MGAT4C: variants seen among roughly 807,000 people sequenced by gnomAD.
MGAT4C encodes the protein alpha-1,3-mannosyl-glycoprotein 4-beta-N-acetylglucosaminyltransferase C.
Under a neutral mutation model 40.1 loss-of-function variants are expected in MGAT4C, and 19 were observed. The ratio of observed to expected loss-of-function variants is 0.47; its 90% CI spans 0.33 to 0.70. The LOEUF (loss-of-function observed/expected upper bound fraction) is 0.70, where lower values mean the gene tolerates loss of function less well. Ranked by LOEUF, MGAT4C falls within the 30% of genes least tolerant of loss-of-function variation. The pLI, the probability that MGAT4C is intolerant of heterozygous loss-of-function variation, is 0.02. For missense variants in MGAT4C, 491 were observed against 563.2 expected (o/e 0.87, Z 1.30); for synonymous variants, 181 against 187.1 (o/e 0.97, Z 0.27).
intron 2 of MGAT4C, among the ~76,000 whole-genome samples, chr12:86,047,935 T>C (rs1179899671): frequency 9.8e-6 from 1 of 101,610 alleles, no homozygotes; most frequent in African/African-American, 4.1e-5. Context: ...CAATCATAGT[T>C]AAAACAACAG....
At chr12:86,736,898 A>G (rs994397907) in intron 1 of MGAT4C, among the ~76,000 whole-genome samples, 37 of 151,010 alleles carry the variant, frequency 2.5e-4, no homozygotes, top group African/African-American at 8.7e-4. Flanking sequence ...ACATAACCTT[A>G]TCCCTTTCCT....
intron 1 of MGAT4C, among the ~76,000 whole-genome samples, chr12:86,088,258 A>T (rs938476040): frequency 6.6e-6 from 1 of 152,056 alleles, no homozygotes. Flanking sequence ...AAAACCTAAA[A>T]CTATAAAAAC....
chr12:86,757,166 C>T lies in MGAT4C; in HGVS notation c.-261-29925G>A, dbSNP rs112830239. Among the ~76,000 whole-genome samples the T allele has an allele frequency of 4.8e-4, 66 of 138,270 alleles. 1 individual carries two copies. Among genetic ancestry groups the T allele is most frequent in the Admixed American group, 1.7e-3 (20 of 12,022 alleles). 90.7% of individuals were successfully genotyped at this position (138,270 alleles called of 152,430 possible). On this transcript the variant is annotated intron_variant, in intron 1 of 7. Transcript: ENST00000548651. The stretch of plus-strand genomic sequence containing the variant: ...TCACTCATAAGTGGGAGTAGAACAA[C>T]GAGAACACATGGACACAGGGAGGGG...
In MGAT4C at chr12:85,957,226, T is replaced by C. The variant is rs1388976114; in HGVS notation, c.*22063A>G. On this transcript the variant is annotated 3_prime_UTR_variant, in exon 5 of 5. Transcript: ENST00000611864. The stretch of plus-strand genomic sequence containing the variant: ...GAAGTTGAGGAAAGTTTATGTTTAA[T>C]TTTTATTTTATTTTCTTCATCTGTA... 2 of 152,206 alleles carry C rather than the reference T, an allele frequency of 1.3e-5. No individual in the cohort carries two copies. The highest frequency in any genetic ancestry group is 2.4e-5 in the African/African-American group (1 of 41,452). The allele number at this position is 152,206 out of a possible 1,614,324, so 9.4% of individuals were successfully genotyped here.
At chr12:86,524,280 G>A (rs1592950190) in intron 2 of MGAT4C, among the ~76,000 whole-genome samples, 1 of 152,166 alleles carries the variant, frequency 6.6e-6, no homozygotes, top group African/African-American at 2.4e-5. Flanking sequence ...AGTAAGGCAG[G>A]TCTGGTGCTA....
chr12:86,230,287 C>T (rs1951260318), intron 1 of MGAT4C, among the ~76,000 whole-genome samples: 1 of 151,972 alleles, frequency 6.6e-6, no homozygotes. Flanking sequence ...ATTCTGGGCA[C>T]TGTTTAATGT....
At chr12:86,252,323 A>G (rs1052237222) in intron 1 of MGAT4C, among the ~76,000 whole-genome samples, 1 of 152,088 alleles carries the variant, frequency 6.6e-6, no homozygotes, top group Non-Finnish European at 1.5e-5. Context: ...ATAGGACCAC[A>G]GTAAAATATT....
chr12:86,708,771 T>C (rs1486929829), intron 2 of MGAT4C, among the ~76,000 whole-genome samples: 1 of 152,180 alleles, frequency 6.6e-6, no homozygotes, highest in Admixed American at 6.5e-5. Flanking sequence ...TTTTGGACTT[T>C]CATGGGGCCT....
chr12:86,836,483 T>C (rs906639355), intron 1 of MGAT4C, among the ~76,000 whole-genome samples: 2 of 152,020 alleles, frequency 1.3e-5, no homozygotes, highest in Admixed American at 1.3e-4. Flanking sequence ...TAACGACAAC[T>C]AATAAAATGA....
chr12:86,408,487 A>G (rs755060941), intron 3 of MGAT4C, among the ~76,000 whole-genome samples: 1 of 84,970 alleles, frequency 1.2e-5, no homozygotes, highest in African/African-American at 4.7e-5. Flanking sequence ...CTCTATATAT[A>G]TATATATATA....
intron 1 of MGAT4C, among the ~76,000 whole-genome samples, chr12:86,730,471 C>T (rs1003989977): frequency 6.6e-6 from 1 of 151,980 alleles, no homozygotes; most frequent in Admixed American, 6.6e-5. Context: ...AATCTCAATG[C>T]TATAAGCTGT....
At chr12:86,439,097 G>T (rs532909723) in intron 2 of MGAT4C, among the ~76,000 whole-genome samples, 22 of 151,798 alleles carry the variant, frequency 1.4e-4, no homozygotes, top group Non-Finnish European at 2.9e-4. Context: ...AGAAACACTG[G>T]ACTTAAACTA....
At chr12:86,288,868 G>T (rs1328073118) in intron 4 of MGAT4C, among the ~76,000 whole-genome samples, 2 of 152,192 alleles carry the variant, frequency 1.3e-5, no homozygotes, top group Middle Eastern at 3.4e-3. Flanking sequence ...GGTTGTCTGT[G>T]AACTTTGTTG....
chr12:86,378,856 G>A (rs1955878654), intron 3 of MGAT4C, among the ~76,000 whole-genome samples: 1 of 152,074 alleles, frequency 6.6e-6, no homozygotes, highest in Admixed American at 6.6e-5. Context: ...AGTATCTAAG[G>A]ATCCAGACTA....
intron 2 of MGAT4C, among the ~76,000 whole-genome samples, chr12:86,032,463 G>A (rs935656427): frequency 2.0e-5 from 3 of 149,564 alleles, no homozygotes; most frequent in Non-Finnish European, 4.5e-5. Flanking sequence ...ATTACGACTG[G>A]TGTGAGTTGG....
At chr12:86,137,198 A>G (rs1882095646) in intron 1 of MGAT4C, among the ~76,000 whole-genome samples, 1 of 152,150 alleles carries the variant, frequency 6.6e-6, no homozygotes. Context: ...CTGTAACCAC[A>G]TATAGAAACC....
chr12:86,108,258 G>C (rs1380712846), intron 1 of MGAT4C, among the ~76,000 whole-genome samples: 1 of 151,964 alleles, frequency 6.6e-6, no homozygotes, highest in Non-Finnish European at 1.5e-5. Context: ...CCTCATTAAT[G>C]TTAAAATAGA....
At chr12:86,119,899 G>C (rs1486573499) in intron 1 of MGAT4C, among the ~76,000 whole-genome samples, 1 of 151,658 alleles carries the variant, frequency 6.6e-6, no homozygotes, top group African/African-American at 2.4e-5. Context: ...GAATAAAACT[G>C]GGTTCCAGGA....
chr12:86,770,708 C>A (rs896114717), intron 1 of MGAT4C, among the ~76,000 whole-genome samples: 1 of 151,874 alleles, frequency 6.6e-6, no homozygotes, highest in African/African-American at 2.4e-5. Context: ...ATATGAGGAC[C>A]AAAGTTTTAT....
Sources: allele counts gnomAD v4.1 joint callset (sites outside exome capture counted in the v4.1 genomes callset), GRCh38; gene constraint gnomAD v4.1.1; transcripts MANE v1.5; gene names NCBI Gene and HGNC (gene_info 2026-07-23, HGNC 2026-07-21).